Variants in PTPRT observed in about 807,000 individuals in gnomAD.
PTPRT encodes protein tyrosine phosphatase receptor type T.
Under a neutral mutation model 176.8 loss-of-function variants are expected in PTPRT, and 56 were observed. That is an observed-to-expected ratio of 0.32 (90% CI 0.26 to 0.40). The LOEUF (loss-of-function observed/expected upper bound fraction) is 0.40. PTPRT is among the 10% of genes least tolerant of loss of function. The probability of loss-of-function intolerance (pLI) is 1.00; values close to 1 mark genes in which losing one functional copy is unlikely to be tolerated. For synonymous variants in PTPRT, 783 were observed against 739.0 expected (o/e 1.06, Z -0.96); for missense variants, 1,540 against 1,908.2 (o/e 0.81, Z 3.60).
the PTPRT span, among the ~76,000 whole-genome samples, chr20:42,048,980 C>G: frequency 6.6e-6 from 1 of 152,146 alleles, no homozygotes; most frequent in African/African-American, 2.4e-5. Flanking sequence ...CGCCACCACA[C>G]CTGTCTAATT....
intron 16 of PTPRT, among the ~76,000 whole-genome samples, chr20:42,168,343 A>T (rs1464488388): frequency 2.0e-5 from 3 of 152,230 alleles, no homozygotes; most frequent in African/African-American, 7.2e-5. Flanking sequence ...GATGACAATG[A>T]TCATGATTGA....
At chr20:42,877,290 G>C (rs931535252) in intron 2 of PTPRT, among the ~76,000 whole-genome samples, 4 of 152,134 alleles carry the variant, frequency 2.6e-5, no homozygotes, top group Non-Finnish European at 5.9e-5. Flanking sequence ...ATCCTTCCTA[G>C]ATGAAAAGTC....
chr20:43,175,355 C>T (rs534883929), intron 1 of PTPRT, among the ~76,000 whole-genome samples: 13 of 152,298 alleles, frequency 8.5e-5, no homozygotes, highest in East Asian at 1.9e-4. Context: ...TTTACAAACT[C>T]GGAAATAAGG....
intron 7 of PTPRT, among the ~76,000 whole-genome samples, chr20:42,630,290 C>T (rs567594176): frequency 2.0e-4 from 31 of 152,270 alleles, no homozygotes; most frequent in African/African-American, 7.5e-4. Flanking sequence ...CAGGCAACAC[C>T]TTGATTTTAG....
intron 7 of PTPRT, among the ~76,000 whole-genome samples, chr20:42,608,330 T>C (rs1198880353): frequency 6.6e-6 from 1 of 152,126 alleles, no homozygotes; most frequent in African/African-American, 2.4e-5. Flanking sequence ...CATTAATGAA[T>C]ATGAGGTCTC....
chr20:43,170,464 T>C (rs1234134171), intron 1 of PTPRT, among the ~76,000 whole-genome samples: 1 of 152,164 alleles, frequency 6.6e-6, no homozygotes, highest in Non-Finnish European at 1.5e-5. Flanking sequence ...GATGAAAAGA[T>C]CTCCAACAAT....
intron 21 of PTPRT, among the ~76,000 whole-genome samples, chr20:42,116,762 T>G (rs1987304989): frequency 6.6e-6 from 1 of 152,016 alleles, no homozygotes; most frequent in Non-Finnish European, 1.5e-5. Context: ...TGGTTGTAGG[T>G]TTCGGTAATG....
chr20:42,701,215 A>G (rs1487608429), intron 6 of PTPRT, among the ~76,000 whole-genome samples: 1 of 152,112 alleles, frequency 6.6e-6, no homozygotes, highest in East Asian at 1.9e-4. Flanking sequence ...TTTCCACGGG[A>G]TTTTAGGGCA....
At chr20:43,086,524 G>A (rs1219117826) in intron 1 of PTPRT, among the ~76,000 whole-genome samples, 1 of 152,180 alleles carries the variant, frequency 6.6e-6, no homozygotes, top group Non-Finnish European at 1.5e-5. Context: ...AGGGGACTGG[G>A]TATTTTGGCC....
intron 8 of PTPRT, among the ~76,000 whole-genome samples, chr20:42,451,703 TAGTCG>T (rs1287737176): frequency 6.6e-6 from 1 of 151,722 alleles, no homozygotes; most frequent in African/African-American, 2.4e-5. Context: ...TATGGCTGAG[TAGTCG>T]AGTAAGATGT....
rs762301454 is a variant in PTPRT at position 42,081,203 on chromosome 20, C to T, written c.4273-271G>A. Among the ~76,000 whole-genome samples, 7 of 152,108 alleles carry T rather than the reference C, an allele frequency of 4.6e-5. No homozygotes were observed. The East Asian group carries it at 9.7e-4, about 21-fold the overall frequency. On this transcript the variant is annotated intron_variant, in intron 30 of 30. Coordinates refer to ENST00000373187, the MANE Select transcript of PTPRT (RefSeq NM_007050.6). ...TACAACAGGGCTTCTCAAACTGTAA[C>T]GTGCATACAAGGCAGCCAGAAATCT... is the stretch of plus-strand genomic sequence containing the variant.
At chr20:43,149,205 T>C (rs140530962) in intron 1 of PTPRT, among the ~76,000 whole-genome samples, 2 of 152,236 alleles carry the variant, frequency 1.3e-5, no homozygotes, top group South Asian at 4.1e-4. Context: ...AAATGATTTA[T>C]CATTTCTAAA....
chr20:42,084,746 G>C lies in PTPRT; in HGVS notation c.4072C>G (p.Arg1358Gly), dbSNP rs1462727415. The C allele has an allele frequency of 1.3e-6, 2 of 1,566,544 alleles. No homozygotes were observed. The highest frequency in any genetic ancestry group is 1.2e-5 in the South Asian group (1 of 80,180). Residue 1358 changes from arginine to glycine, a missense_variant, in exon 29 of 31, where the codon CGA becomes GGA. By Grantham distance (125) the Arg-to-Gly change is moderately radical (BLOSUM62 -2). This residue lies in a region of PTPRT where 342 missense variants were observed against 394.0 expected (regional missense o/e 0.87). Coordinates refer to ENST00000373187, the MANE Select transcript of PTPRT (RefSeq NM_007050.6). ...PSKRSLLKVV[R>G]RLEKWQEQYD... ...TGCTCCTGCCACTTCTCCAGTCGTC[G>C]GACCACTTTGAGCAGAGAGCGCTTG...
At chr20:42,208,653 A>G (rs900589625) in intron 15 of PTPRT, among the ~76,000 whole-genome samples, 1 of 152,050 alleles carries the variant, frequency 6.6e-6, no homozygotes, top group Non-Finnish European at 1.5e-5. Context: ...GCAAGTCCTG[A>G]GTGACCTACA....
At chr20:42,511,173 T>C (rs2071949013) in intron 7 of PTPRT, among the ~76,000 whole-genome samples, 1 of 152,158 alleles carries the variant, frequency 6.6e-6, no homozygotes, top group African/African-American at 2.4e-5. Flanking sequence ...TCTCACCAGA[T>C]GTACCCTCTG....
At chr20:42,270,280 G>T (rs57365825) in intron 13 of PTPRT, 12 of 788,812 alleles carry the variant, frequency 1.5e-5, no homozygotes, top group South Asian at 3.3e-5. Context: ...GGGTGGGGGG[G>T]TGGGTGGGTG....
chr20:42,711,876 T>G (rs1402336079), intron 6 of PTPRT, among the ~76,000 whole-genome samples: 1 of 151,820 alleles, frequency 6.6e-6, no homozygotes, highest in Non-Finnish European at 1.5e-5. Context: ...ATGAAATCAT[T>G]GGCTCAAAAG....
chr20:42,449,121 G>C (rs1003314357), intron 8 of PTPRT, among the ~76,000 whole-genome samples: 4 of 152,128 alleles, frequency 2.6e-5, no homozygotes, highest in Non-Finnish European at 5.9e-5. Flanking sequence ...AATCCAACAT[G>C]AACTATGTGG....
chr20:42,067,772 G>A (rs1213435104), downstream of PTPRT, among the ~76,000 whole-genome samples: 4 of 152,122 alleles, frequency 2.6e-5, no homozygotes, highest in South Asian at 2.1e-4. Context: ...GACATCTGGC[G>A]GCCCTCTATG....
Sources: gnomAD v4.1 joint callset for allele counts (sites outside exome capture counted in the v4.1 genomes callset) on GRCh38, gnomAD v4.1.1 for gene constraint, gnomAD v4.1.1 regional missense constraint, MANE v1.5 for transcripts, NCBI Gene and HGNC (gene_info 2026-07-23, HGNC 2026-07-21) for gene names.